Variants in NUPR1 observed in about 807,000 individuals in gnomAD.
The protein encoded by NUPR1 is nuclear protein 1.
In NUPR1, 8 loss-of-function variants were observed where a neutral mutation model predicts 7.3. The observed-to-expected ratio is 1.09, with a 90% CI of 0.64 to 1.97. The LOEUF (loss-of-function observed/expected upper bound fraction) is 1.97, where lower values mean the gene tolerates loss of function less well. Among genes scored for constraint, NUPR1 ranks in the 30% most tolerant of loss-of-function variants. The pLI is 0.00. For missense variants in NUPR1, 96 were observed against 111.7 expected, an observed-to-expected ratio of 0.86 and a Z score of 0.63; for synonymous variants, 39 against 44.5, an observed-to-expected ratio of 0.88 and a Z score of 0.49.
rs75552747 is a variant in NUPR1 at position 28,538,331 on chromosome 16, T to C, written c.113-176A>G. 1,331 of 840,284 alleles carry C rather than the reference T, an allele frequency of 1.6e-3. 16 individuals are homozygous for C. In the African/African-American group the frequency reaches 0.02, roughly 12 times the overall value. The allele number at this position is 840,284 out of a possible 1,614,324, so 52.1% of individuals were successfully genotyped here. ...GTGTGAGGTCCCAGGCTGAGTAACA[T>C]AGCACTCCTGGGATAAGGGATTAGA... On this transcript the variant is annotated intron_variant, in intron 1 of 2. Coordinates refer to ENST00000324873, the MANE Select transcript of NUPR1 (RefSeq NM_012385.3).
chr16:28,537,809 C>A (rs1447546457), intron 2 of NUPR1, 140 bp from the exon 3 acceptor site: 1 of 543,230 alleles, frequency 1.8e-6, no homozygotes, highest in African/African-American at 1.9e-5. Context: ...AGTCAAATTT[C>A]CCTTCAATTG....
rs539588811 is a variant in NUPR1 at position 28,535,456 on chromosome 16, C to T, written c.*2227G>A. On this transcript the variant is annotated 3_prime_UTR_variant, in exon 3 of 3. Coordinates refer to ENST00000324873, the MANE Select transcript of NUPR1 (RefSeq NM_012385.3). ...AGGTGATCCGCCTGCCTTGGCCTCC[C>T]AAAGTGCTGGGATTACAGGTGTGAG... The T allele has an allele frequency of 6.6e-6, 1 of 152,392 alleles. No homozygotes were observed. The highest frequency in any genetic ancestry group is 1.5e-5 in the Non-Finnish European group (1 of 68,170). The allele number at this position is 152,392 out of a possible 1,614,324, so 9.4% of individuals were successfully genotyped here. A position where few individuals can be genotyped will look rare whatever the true frequency, so the allele number is the denominator to read the frequency against.
rs1332800204 is a variant in NUPR1 at position 28,535,673 on chromosome 16, TCTTC to T, written c.*2006_*2009del. Reference sequence around the variant, plus strand: ...CTCTCCTTTCTCTCTTTCTTTTCTTTCTTCCTTCCTTTCTTTTCCTTCCTTCCTT... The same window carrying T: ...CTCTCCTTTCTCTCTTTCTTTTCTTTCTTCCTTTCTTTTCCTTCCTTCCTT... On this transcript the variant is annotated 3_prime_UTR_variant, in exon 3 of 3. Coordinates refer to ENST00000324873, the MANE Select transcript of NUPR1 (RefSeq NM_012385.3). 5.3e-5 allele frequency: 8 copies of T among 150,032 alleles called. No homozygotes were observed. Among genetic ancestry groups the T allele is most frequent in the East Asian group, 3.9e-4 (2 of 5,104 alleles). The allele number at this position is 150,032 out of a possible 1,614,324, so 9.3% of individuals were successfully genotyped here. A position where few individuals can be genotyped will look rare whatever the true frequency, so the allele number is the denominator to read the frequency against.
rs1473186948 is a variant in NUPR1, at chr16:28,535,555, CT to C, written c.*2127del. On this transcript the variant is annotated 3_prime_UTR_variant, in exon 3 of 3. Coordinates refer to ENST00000324873, the MANE Select transcript of NUPR1 (RefSeq NM_012385.3). ...TCTTTCTTTCTTTCCTTCTTTCTTT[CT>C]TTCTTTCCTTCCTTCCTTTCTTTCT... is the stretch of plus-strand genomic sequence containing the variant. The C allele has an allele frequency of 2.3e-4, 7 of 30,296 alleles. No homozygotes were observed. The East Asian group carries it at 7.2e-3, about 31-fold the overall frequency. The allele number at this position is 30,296 out of a possible 1,614,324, so 1.9% of individuals were successfully genotyped here.
chr16:28,537,266 C>T lies in NUPR1; in HGVS notation c.*417G>A, dbSNP rs2046630279. ...ACATACACCAAACACAAATACACAT[C>T]AAAGATGCTCTCTCAGGCTCATGAA... On this transcript the variant is annotated 3_prime_UTR_variant, in exon 3 of 3. Transcript: ENST00000324873. 1 of 152,308 alleles carries T rather than the reference C, an allele frequency of 6.6e-6. No individual in the cohort carries two copies. The highest frequency in any genetic ancestry group is 2.4e-5 in the African/African-American group (1 of 41,442). The allele number at this position is 152,308 out of a possible 1,614,324, so 9.4% of individuals were successfully genotyped here.
chr16:28,535,595 T>TCTTTCTTTCTTTC lies in NUPR1; in HGVS notation c.*2075_*2087dup, dbSNP rs2046614223. On this transcript the variant is annotated 3_prime_UTR_variant, in exon 3 of 3. Coordinates refer to ENST00000324873, the MANE Select transcript of NUPR1 (RefSeq NM_012385.3). ...TCCTTTCTTTCTTTCTTTCTTTCTT[T>TCTTTCTTTCTTTC]CTTTCTTTCTTTCTTTCTTTCTTTC... The TCTTTCTTTCTTTC allele has an allele frequency of 2.1e-5, 1 of 47,668 alleles. No homozygotes were observed. The highest frequency in any genetic ancestry group is 1.3e-4 in the African/African-American group (1 of 7,658). 3.0% of individuals were successfully genotyped at this position (47,668 alleles called of 1,614,324 possible).
rs1322616195 is a variant in NUPR1, at chr16:28,535,505, T to TTC, written c.*2176_*2177dup. The TTC allele has an allele frequency of 3.7e-5, 2 of 54,198 alleles. No individual in the cohort carries two copies. The highest frequency in any genetic ancestry group is 7.6e-5 in the Non-Finnish European group (2 of 26,466). 3.4% of individuals were successfully genotyped at this position (54,198 alleles called of 1,614,324 possible). On this transcript the variant is annotated 3_prime_UTR_variant, in exon 3 of 3. Transcript: ENST00000324873. ...AGCCACTGTGCCGGGGCTCGCTCTT[T>TTC]TCTTTCTTTCTTTCTTTCTTTCTTT... is the stretch of plus-strand genomic sequence containing the variant.
At position 28,536,314 on chromosome 16, in the gene NUPR1, C is replaced by G. The variant is rs1567277931; in HGVS notation, c.*1369G>C. ...GTTGCAGTGAGCTGCGATCATGCCACTGCACTCCAGCCTGAGCAACAGAGT... is the reference window on the plus strand; with the variant it reads ...GTTGCAGTGAGCTGCGATCATGCCAGTGCACTCCAGCCTGAGCAACAGAGT... On this transcript the variant is annotated 3_prime_UTR_variant, in exon 3 of 3. Transcript: ENST00000324873. The G allele has an allele frequency of 1.3e-5, 2 of 152,012 alleles. No individual in the cohort carries two copies. The highest frequency in any genetic ancestry group is 2.9e-5 in the Non-Finnish European group (2 of 68,140). The allele number at this position is 152,012 out of a possible 1,614,324, so 9.4% of individuals were successfully genotyped here. A position where few individuals can be genotyped will look rare whatever the true frequency, so the allele number is the denominator to read the frequency against.
At chr16:28,538,730 CAA>C in intron 1 of NUPR1, 64 bp downstream of exon 1, 4 of 1,206,978 alleles carry the variant, frequency 3.3e-6, no homozygotes, top group Middle Eastern at 1.9e-4. Context: ...TGAGAGGAAA[CAA>C]GAGGGGTGGG....
In NUPR1 at chr16:28,537,041, G is replaced by A. The variant is rs1473408131; in HGVS notation, c.*642C>T. The A allele has an allele frequency of 2.0e-5, 3 of 152,142 alleles. No individual in the cohort carries two copies. Among genetic ancestry groups the A allele is most frequent in the African/African-American group, 7.2e-5 (3 of 41,404 alleles). 9.4% of individuals were successfully genotyped at this position (152,142 alleles called of 1,614,324 possible). A position where few individuals can be genotyped will look rare whatever the true frequency, so the allele number is the denominator to read the frequency against. ...AAGTAGCGTTCCCGTCTATGAACAG[G>A]ACACAATCAACAAAAACAGGTGCTG... is the stretch of plus-strand genomic sequence containing the variant. On this transcript the variant is annotated 3_prime_UTR_variant, in exon 3 of 3. Coordinates refer to ENST00000324873, the MANE Select transcript of NUPR1 (RefSeq NM_012385.3).
At position 28,537,989 on chromosome 16, in the gene NUPR1, G is replaced by A. The variant is rs184109744; in HGVS notation, c.*13+17C>T. On this transcript the variant is annotated intron_variant, in intron 2 of 2. Coordinates refer to ENST00000324873, the MANE Select transcript of NUPR1 (RefSeq NM_012385.3). Reference sequence around the variant, plus strand: ...AGAAGCACCACCTTGAGCTCTCTGGGCCCCCCGACTCCTTACCTCCAGCTC... The same window carrying A: ...AGAAGCACCACCTTGAGCTCTCTGGACCCCCCGACTCCTTACCTCCAGCTC... The A allele has an allele frequency of 4.1e-5, 66 of 1,593,714 alleles. No homozygotes were observed. In the East Asian group the frequency reaches 1.4e-3, roughly 35 times the overall value.
At chr16:28,538,506 A>G (rs1203477960) in intron 1 of NUPR1, 17 of 572,022 alleles carry the variant, frequency 3.0e-5, no homozygotes, top group Non-Finnish European at 5.0e-5. Flanking sequence ...CCTGGGAAAC[A>G]TAGTGAGACC....
Position 28,538,010 on chromosome 16 carries a change from A to G in NUPR1, c.*9T>C. ...CTGGGCCCCCCGACTCCTTACCTCCAGCTCTGTCTCAGCGCCGTGCCCCTC... is the reference window on the plus strand; with the variant it reads ...CTGGGCCCCCCGACTCCTTACCTCCGGCTCTGTCTCAGCGCCGTGCCCCTC... On this transcript the variant is annotated 3_prime_UTR_variant, in exon 2 of 3. Coordinates refer to ENST00000324873, the MANE Select transcript of NUPR1 (RefSeq NM_012385.3). 1 of 1,610,068 alleles carries G rather than the reference A, an allele frequency of 6.2e-7. No individual in the cohort carries two copies. Among genetic ancestry groups the G allele is most frequent in the Non-Finnish European group, 8.5e-7 (1 of 1,177,502 alleles).
rs2046607702 is a variant in NUPR1 at position 28,535,553 on chromosome 16, T to C, written c.*2130A>G. ...TTTCTTTCTTTCTTTCCTTCTTTCT[T>C]TCTTTCTTTCCTTCCTTCCTTTCTT... On this transcript the variant is annotated 3_prime_UTR_variant, in exon 3 of 3. Transcript: ENST00000324873. The C allele has an allele frequency of 2.9e-5, 1 of 35,046 alleles. No individual in the cohort carries two copies. Among genetic ancestry groups the C allele is most frequent in the Non-Finnish European group, 7.1e-5 (1 of 14,138 alleles). 2.2% of individuals were successfully genotyped at this position (35,046 alleles called of 1,614,324 possible).
In NUPR1 at chr16:28,536,986, A is replaced by G. The variant is rs2046628106; in HGVS notation, c.*697T>C. 6.6e-6 allele frequency: 1 copy of G among 151,898 alleles called. No homozygotes were observed. Among genetic ancestry groups the G allele is most frequent in the Non-Finnish European group, 1.5e-5 (1 of 67,910 alleles). 9.4% of individuals were successfully genotyped at this position (151,898 alleles called of 1,614,324 possible). A position where few individuals can be genotyped will look rare whatever the true frequency, so the allele number is the denominator to read the frequency against. ...CCTGGCTTTTAATATTTTAAATCTCAGTTTTCTCTGACTTTTAGATGGCAC... is the reference window on the plus strand; with the variant it reads ...CCTGGCTTTTAATATTTTAAATCTCGGTTTTCTCTGACTTTTAGATGGCAC... On this transcript the variant is annotated 3_prime_UTR_variant, in exon 3 of 3. Transcript: ENST00000324873.
chr16:28,538,303 T>G, intron 1 of NUPR1, 148 bp from the exon 2 acceptor site: 1 of 1,137,326 alleles, frequency 8.8e-7, no homozygotes, highest in African/African-American at 1.5e-5. Flanking sequence ...GGACCCCAGA[T>G]GTGTGTGAGG....
At position 28,537,123 on chromosome 16, in the gene NUPR1, C is replaced by T. The variant is rs1159706397; in HGVS notation, c.*560G>A. Reference sequence around the variant, plus strand: ...AAAAAGCAGAAGAAATTCCTTTCCACTACGTAGGAGCCCACAGAAATGTAT... The same window carrying T: ...AAAAAGCAGAAGAAATTCCTTTCCATTACGTAGGAGCCCACAGAAATGTAT... On this transcript the variant is annotated 3_prime_UTR_variant, in exon 3 of 3. Coordinates refer to ENST00000324873, the MANE Select transcript of NUPR1 (RefSeq NM_012385.3). The T allele has an allele frequency of 6.6e-6, 1 of 152,228 alleles. No homozygotes were observed. The highest frequency in any genetic ancestry group is 1.5e-5 in the Non-Finnish European group (1 of 68,094). The allele number at this position is 152,228 out of a possible 1,614,324, so 9.4% of individuals were successfully genotyped here.
chr16:28,538,317 C>A, intron 1 of NUPR1, 162 bp from the exon 2 acceptor site: 2 of 979,302 alleles, frequency 2.0e-6, no homozygotes, highest in East Asian at 4.9e-5. Context: ...TGTGAGGTCC[C>A]AGGCTGAGTA....
intron 1 of NUPR1, 65 bp downstream of exon 1, chr16:28,538,731 A>G (rs772076076): frequency 1.3e-5 from 16 of 1,213,462 alleles, no homozygotes; most frequent in Non-Finnish European, 1.7e-5. Flanking sequence ...GAGAGGAAAC[A>G]AGAGGGGTGG....
Sources: gnomAD v4.1 joint callset for allele counts on GRCh38, gnomAD v4.1.1 for gene constraint, MANE v1.5 for transcripts, NCBI Gene and HGNC (gene_info 2026-07-23, HGNC 2026-07-21) for gene names.